Variants in ESRRG observed in about 807,000 individuals in gnomAD.
ESRRG encodes the protein estrogen related receptor gamma, also known as estrogen-related receptor gamma.
A neutral mutation model predicts 44.0 loss-of-function variants in ESRRG; 13 were observed. The observed-to-expected ratio is 0.30, with a 90% CI of 0.19 to 0.47. The LOEUF (loss-of-function observed/expected upper bound fraction) is 0.47. Among genes scored for constraint, ESRRG ranks in the 20% least tolerant of loss-of-function variants. The pLI, the probability that ESRRG is intolerant of heterozygous loss-of-function variation, is 1.00. For synonymous variants in ESRRG, 215 were observed against 214.6 expected, an observed-to-expected ratio of 1.00 and a Z score of -0.02; for missense variants, 395 against 580.6, an observed-to-expected ratio of 0.68 and a Z score of 3.29.
At chr1:216,936,672 C>T (rs1018695767) in intron 2 of ESRRG, 52 of 151,336 alleles carry the variant, frequency 3.4e-4, no homozygotes, top group African/African-American at 1.2e-3. Flanking sequence ...TTTGAAATAA[C>T]ATCATAATTA....
At chr1:216,551,041 C>T (rs2056174720) in intron 5 of ESRRG, among the ~76,000 whole-genome samples, 1 of 152,124 alleles carries the variant, frequency 6.6e-6, no homozygotes, top group Non-Finnish European at 1.5e-5. Flanking sequence ...ACATCACTCT[C>T]AAAACACTTC....
chr1:216,578,004 A>C (rs1355910090), intron 3 of ESRRG, among the ~76,000 whole-genome samples: 1 of 152,058 alleles, frequency 6.6e-6, no homozygotes, highest in African/African-American at 2.4e-5. Context: ...AGAAATCCTG[A>C]GTGTGTCAAT....
intron 2 of ESRRG, among the ~76,000 whole-genome samples, chr1:216,745,024 C>T (rs2091227204): frequency 6.6e-6 from 1 of 152,198 alleles, no homozygotes; most frequent in African/African-American, 2.4e-5. Context: ...CATGAGAGAA[C>T]TCAGCCCAGG....
At position 216,608,696 on chromosome 1, in the gene ESRRG, C is replaced by T. The variant is rs536197008; in HGVS notation, c.590-40598G>A. 5.9e-5 allele frequency among the ~76,000 whole-genome samples: 9 copies of T among 152,218 alleles called. 1 individual carries two copies. The highest frequency in any genetic ancestry group is 1.7e-4 in the African/African-American group (7 of 41,554). ...CTTTAATTTAATCCACCTTTTCAAC[C>T]GGAGGCACTGTTAAACAGTTCCTTA... On this transcript the variant is annotated intron_variant, in intron 3 of 6. Coordinates refer to ENST00000408911, the MANE Select transcript of ESRRG (RefSeq NM_001438.4).
In ESRRG at chr1:216,503,784, A is replaced by G. The variant is rs2040739032; in HGVS notation, c.*3155T>C. ...TACAACAATCTGATCTGATTGAAAC[A>G]CAAGTGTAACTACAAGGAGTCACAC... On this transcript the variant is annotated 3_prime_UTR_variant, in exon 7 of 7. Transcript: ENST00000408911. 2 of 152,610 alleles carry G rather than the reference A, an allele frequency of 1.3e-5. No homozygotes were observed. The highest frequency in any genetic ancestry group is 2.9e-5 in the Non-Finnish European group (2 of 68,002). 9.5% of individuals were successfully genotyped at this position (152,610 alleles called of 1,614,324 possible).
Position 216,985,380 on chromosome 1 carries a change from C to A in ESRRG, c.-105-45707G>T, listed in dbSNP as rs192821168. On this transcript the variant is annotated intron_variant, in intron 1 of 7. Transcript: ENST00000359162. ...CGGAGTAGCATGCTGGAAGCTTTACCCTCCAATCCAGGCTGGAGAAGGAAG... is the reference window on the plus strand; with the variant it reads ...CGGAGTAGCATGCTGGAAGCTTTACACTCCAATCCAGGCTGGAGAAGGAAG... Among the ~76,000 whole-genome samples, 547 of 152,260 alleles carry A rather than the reference C, an allele frequency of 3.6e-3. 2 individuals are homozygous for A. Among genetic ancestry groups the A allele is most frequent in the Admixed American group, 6.0e-3 (92 of 15,290 alleles).
intron 2 of ESRRG, among the ~76,000 whole-genome samples, chr1:216,745,945 T>C (rs1211895344): frequency 6.6e-6 from 1 of 152,240 alleles, no homozygotes; most frequent in Non-Finnish European, 1.5e-5. Flanking sequence ...ATATAGGCTT[T>C]AATGTAGAGT....
chr1:216,986,597 C>A (rs1019389495), intron 1 of ESRRG, among the ~76,000 whole-genome samples: 1 of 151,550 alleles, frequency 6.6e-6, no homozygotes, highest in Non-Finnish European at 1.5e-5. Flanking sequence ...AGTGGCGGGG[C>A]ATGGCTGTGG....
chr1:216,603,657 C>T (rs1175463587), intron 3 of ESRRG, among the ~76,000 whole-genome samples: 1 of 152,076 alleles, frequency 6.6e-6, no homozygotes. Flanking sequence ...AGCCGGGCAC[C>T]GTGGCTCACG....
At chr1:216,547,991 C>T (rs1000592733) in intron 5 of ESRRG, among the ~76,000 whole-genome samples, 8 of 152,044 alleles carry the variant, frequency 5.3e-5, no homozygotes, top group African/African-American at 1.9e-4. Flanking sequence ...CTGGCAATTG[C>T]TGCTATATAT....
At chr1:216,647,702 G>T (rs1195842663) in intron 3 of ESRRG, among the ~76,000 whole-genome samples, 3 of 152,100 alleles carry the variant, frequency 2.0e-5, no homozygotes, top group Admixed American at 6.5e-5. Context: ...ATAATTAATA[G>T]AAATGCCAGT....
At chr1:216,521,896 G>A (rs1182362231) in intron 5 of ESRRG, among the ~76,000 whole-genome samples, 2 of 152,064 alleles carry the variant, frequency 1.3e-5, no homozygotes, top group Non-Finnish European at 2.9e-5. Context: ...GATCAATACG[G>A]AGAAGAAAAG....
intron 1 of ESRRG, among the ~76,000 whole-genome samples, chr1:217,048,745 G>C (rs944927989): frequency 1.3e-5 from 2 of 152,148 alleles, no homozygotes; most frequent in African/African-American, 4.8e-5. Flanking sequence ...AACTTACGAG[G>C]AAAATCAGAG....
At chr1:217,035,093 T>A (rs1244486498) in intron 1 of ESRRG, among the ~76,000 whole-genome samples, 1 of 152,158 alleles carries the variant, frequency 6.6e-6, no homozygotes, top group South Asian at 2.1e-4. Context: ...TGGCCAGATT[T>A]CCTTACAGGA....
intron 1 of ESRRG, among the ~76,000 whole-genome samples, chr1:216,940,440 C>T (rs753158379): frequency 3.3e-5 from 5 of 152,064 alleles, no homozygotes; most frequent in African/African-American, 7.2e-5. Flanking sequence ...CTTGGATATC[C>T]GGGGAAATTC....
At chr1:216,903,073 G>C (rs2059270425) in intron 2 of ESRRG, among the ~76,000 whole-genome samples, 1 of 152,120 alleles carries the variant, frequency 6.6e-6, no homozygotes, top group Admixed American at 6.6e-5. Flanking sequence ...ACATGTGTTT[G>C]TTTTCATGTT....
intron 3 of ESRRG, among the ~76,000 whole-genome samples, chr1:216,647,346 T>A (rs182613554): frequency 1.3e-5 from 2 of 152,000 alleles, no homozygotes; most frequent in African/African-American, 4.8e-5. Context: ...ACAAAGAGGA[T>A]TTTTTCAGGA....
upstream of ESRRG, among the ~76,000 whole-genome samples, chr1:216,724,216 G>A (rs944197224): frequency 6.6e-6 from 1 of 152,046 alleles, no homozygotes; most frequent in Non-Finnish European, 1.5e-5. Context: ...TTTACATATA[G>A]ATACAACGCA....
chr1:216,896,060 G>T (rs530187029), intron 2 of ESRRG, among the ~76,000 whole-genome samples: 1 of 152,280 alleles, frequency 6.6e-6, no homozygotes, highest in East Asian at 1.9e-4. Flanking sequence ...GTATACAAAT[G>T]ATTGATTTCT....
Sources: gnomAD v4.1 joint callset for allele counts (sites outside exome capture counted in the v4.1 genomes callset) on GRCh38, gnomAD v4.1.1 for gene constraint, MANE v1.5 for transcripts, NCBI Gene and HGNC (gene_info 2026-07-23, HGNC 2026-07-21) for gene names.